Variants in ASTN2 observed in about 807,000 individuals in gnomAD.
The protein encoded by ASTN2 is astrotactin 2, also known as astrotactin-2.
ASTN2 carries 54 observed loss-of-function variants against 139.8 expected under a neutral mutation model. The ratio of observed to expected loss-of-function variants is 0.39; its 90% CI spans 0.31 to 0.48. ASTN2 has a LOEUF of 0.48. ASTN2 is among the 20% of genes least tolerant of loss of function. ASTN2 has a pLI of 0.95. For missense variants in ASTN2, 1,565 were observed against 1,725.1 expected (o/e 0.91, Z 1.64); for synonymous variants, 756 against 719.5 (o/e 1.05, Z -0.81).
chr9:117,081,383 C>T (rs539578334), intron 5 of ASTN2, among the ~76,000 whole-genome samples: 1 of 152,162 alleles, frequency 6.6e-6, no homozygotes, highest in Non-Finnish European at 1.5e-5. Flanking sequence ...ACTTTCCAGT[C>T]TACACCCTCT....
intron 7 of ASTN2, among the ~76,000 whole-genome samples, chr9:117,002,168 G>T (rs1295715148): frequency 6.6e-6 from 1 of 152,210 alleles, no homozygotes; most frequent in Non-Finnish European, 1.5e-5. Context: ...GAATAAATAT[G>T]ATCTCTGGCC....
At chr9:117,336,826 C>T (rs779438572) in intron 1 of ASTN2, among the ~76,000 whole-genome samples, 13 of 152,116 alleles carry the variant, frequency 8.5e-5, no homozygotes, top group Non-Finnish European at 1.5e-4. Flanking sequence ...TCTATGTCCT[C>T]AAAAGGTCCA....
At chr9:116,702,196 G>A (rs1439177592) in intron 16 of ASTN2, among the ~76,000 whole-genome samples, 1 of 151,968 alleles carries the variant, frequency 6.6e-6, no homozygotes, top group Non-Finnish European at 1.5e-5. Context: ...TAACAAAAAT[G>A]ATCCCTGCCT....
At chr9:117,376,640 G>C (rs1324341989) in intron 1 of ASTN2, among the ~76,000 whole-genome samples, 2 of 152,168 alleles carry the variant, frequency 1.3e-5, no homozygotes, top group Admixed American at 6.5e-5. Context: ...GAGCTAAATA[G>C]ACTAGATATG....
chr9:117,335,894 G>T (rs1828866373), intron 1 of ASTN2, among the ~76,000 whole-genome samples: 1 of 152,048 alleles, frequency 6.6e-6, no homozygotes. Flanking sequence ...CCTTCATGCT[G>T]CTATTTGGAG....
intron 2 of ASTN2, among the ~76,000 whole-genome samples, chr9:117,241,881 T>G (rs1178676651): frequency 1.3e-5 from 2 of 151,624 alleles, no homozygotes; most frequent in Non-Finnish European, 2.9e-5. Context: ...ATTCAGCCAA[T>G]TGTCACCATC....
chr9:116,560,268 C>G (rs1852838010), intron 19 of ASTN2, among the ~76,000 whole-genome samples: 1 of 152,206 alleles, frequency 6.6e-6, no homozygotes, highest in Non-Finnish European at 1.5e-5. Context: ...CATTACATCA[C>G]TAACTCACTA....
intron 20 of ASTN2, among the ~76,000 whole-genome samples, chr9:116,443,873 C>A (rs1847909858): frequency 6.6e-6 from 1 of 152,150 alleles, no homozygotes; most frequent in South Asian, 2.1e-4. Flanking sequence ...TCCTCCCTTG[C>A]ATCTCAAATT....
chr9:117,037,603 G>A (rs1042400219), intron 6 of ASTN2, among the ~76,000 whole-genome samples: 2 of 152,110 alleles, frequency 1.3e-5, no homozygotes, highest in South Asian at 4.2e-4. Context: ...GTTTCATCTT[G>A]AGCAAGTTAT....
At chr9:116,528,991 T>C (rs903302566) in intron 19 of ASTN2, among the ~76,000 whole-genome samples, 2 of 152,172 alleles carry the variant, frequency 1.3e-5, no homozygotes, top group African/African-American at 2.4e-5. Flanking sequence ...GGAGAACCTC[T>C]ACTAAGGCAA....
rs79892676 is a variant in ASTN2 at position 116,806,513 on chromosome 9, T to G, written c.2208-693A>C. Among the ~76,000 whole-genome samples the G allele has an allele frequency of 4.2e-3, 642 of 152,322 alleles. 3 individuals carry two copies. The highest frequency in any genetic ancestry group is 0.014 in the Middle Eastern group (4 of 292). On this transcript the variant is annotated intron_variant, in intron 12 of 22. Coordinates refer to ENST00000313400, the MANE Select transcript of ASTN2 (RefSeq NM_001365068.1). ...GCAAGAAATCAGAGATCTCAGCCCC[T>G]GAAAAATCATTCCAGAAACTGGAAT...
At position 117,047,066 on chromosome 9, in the gene ASTN2, A is replaced by G. The variant is rs144657589; in HGVS notation, c.1277-7101T>C. ...GCTGAGTGCCTCATTAACCTCACTG[A>G]GTGCCCCATGGGATTCCCACAGCAC... On this transcript the variant is annotated intron_variant, in intron 5 of 22. Coordinates refer to ENST00000313400, the MANE Select transcript of ASTN2 (RefSeq NM_001365068.1). 3.9e-5 allele frequency among the ~76,000 whole-genome samples: 6 copies of G among 152,278 alleles called. No individual in the cohort carries two copies. In the East Asian group the frequency reaches 1.2e-3, roughly 29 times the overall value.
At chr9:116,696,180 G>T (rs1236132719) in intron 16 of ASTN2, among the ~76,000 whole-genome samples, 2 of 151,978 alleles carry the variant, frequency 1.3e-5, no homozygotes, top group Non-Finnish European at 2.9e-5. Flanking sequence ...TCTCATTTTG[G>T]CTCTGAAGAC....
In ASTN2 at chr9:117,243,638, G is replaced by A. The variant is rs1012300342; in HGVS notation, c.631-28896C>T. 3.3e-5 allele frequency among the ~76,000 whole-genome samples: 5 copies of A among 152,114 alleles called. No individual in the cohort carries two copies. In the South Asian group the frequency reaches 6.2e-4, roughly 19 times the overall value. On this transcript the variant is annotated intron_variant, in intron 2 of 22. Coordinates refer to ENST00000313400, the MANE Select transcript of ASTN2 (RefSeq NM_001365068.1). ...CTACCATCATAACGTCACTTGGCTC[G>A]AAGAATTAAATGAAGGTTGCCCAAG...
intron 4 of ASTN2, among the ~76,000 whole-genome samples, chr9:117,116,581 T>G (rs1390662637): frequency 3.2e-5 from 1 of 31,446 alleles, no homozygotes; most frequent in Non-Finnish European, 5.7e-5. Flanking sequence ...CATCAAAAGT[T>G]TTTTTTTTTT....
Position 116,697,986 on chromosome 9 carries a change from G to A in ASTN2, c.2806+27785C>T, listed in dbSNP as rs1167389328. 1 of 1,614,236 alleles carries A rather than the reference G, an allele frequency of 6.2e-7. No individual in the cohort carries two copies. The highest frequency in any genetic ancestry group is 8.5e-7 in the Non-Finnish European group (1 of 1,180,056). On this transcript the variant is annotated intron_variant, in intron 16 of 22. Transcript: ENST00000313400. ...GACCCAGCTGACAGACAATCTGACA[G>A]TGCTAAAGATCATTGATACAGCTGG...
At position 116,502,718 on chromosome 9, in the gene ASTN2, GGAAGGAAGGAAGGAATGAATGAAT is replaced by G. The variant is rs1365119704; in HGVS notation, c.3356-15242_3356-15219del. ...AGGAAGGAAGGAAGGAAGGAAGGAA[GGAAGGAAGGAAGGAATGAATGAAT>G]GAATGAGGGAAGGAAGGAGAGAAGG... On this transcript the variant is annotated intron_variant, in intron 19 of 22. Transcript: ENST00000313400. 4.9e-3 allele frequency among the ~76,000 whole-genome samples: 237 copies of G among 47,974 alleles called. 9 individuals are homozygous for G. The highest frequency in any genetic ancestry group is 0.012 in the African/African-American group (160 of 13,492). 31.5% of individuals were successfully genotyped at this position (47,974 alleles called of 152,430 possible). A position where few individuals can be genotyped will look rare whatever the true frequency, so the allele number is the denominator to read the frequency against.
chr9:117,142,067 G>A (rs551054303), intron 3 of ASTN2, among the ~76,000 whole-genome samples: 1 of 152,306 alleles, frequency 6.6e-6, no homozygotes, highest in South Asian at 2.1e-4. Context: ...ACGAGAAGGA[G>A]CACGGATGCT....
At chr9:116,841,733 C>T (rs1588343655) in intron 11 of ASTN2, among the ~76,000 whole-genome samples, 1 of 152,162 alleles carries the variant, frequency 6.6e-6, no homozygotes, top group African/African-American at 2.4e-5. Context: ...TCCTTCCTCA[C>T]TAGGCTTGTG....
Sources: gnomAD v4.1 joint callset for allele counts (sites outside exome capture counted in the v4.1 genomes callset) on GRCh38, gnomAD v4.1.1 for gene constraint, MANE v1.5 for transcripts, NCBI Gene and HGNC (gene_info 2026-07-23, HGNC 2026-07-21) for gene names.